The following ARHGAP42 variants were observed in gnomAD, a reference collection of about 807,000 sequenced individuals.
ARHGAP42 encodes the protein Rho GTPase activating protein 42, also known as rho GTPase-activating protein 42.
ARHGAP42 carries 63 observed loss-of-function variants against 125.0 expected under a neutral mutation model. That is an observed-to-expected ratio of 0.50 (90% CI 0.41 to 0.62). The LOEUF (loss-of-function observed/expected upper bound fraction) is 0.62. Among genes scored for constraint, ARHGAP42 ranks in the 20% least tolerant of loss-of-function variants. The pLI is 0.00. For synonymous variants in ARHGAP42, 339 were observed against 351.0 expected (o/e 0.97, Z 0.38); for missense variants, 766 against 1,024.2 (o/e 0.75, Z 3.44).
chr11:100,982,310 G>C (rs1858564895), intron 22 of ARHGAP42, among the ~76,000 whole-genome samples: 1 of 152,144 alleles, frequency 6.6e-6, no homozygotes, highest in African/African-American at 2.4e-5. Context: ...GGACCATGCT[G>C]CAAGACTTGT....
chr11:100,714,389 T>TTGTGTGTGTGTGTG (rs10609660), intron 1 of ARHGAP42, among the ~76,000 whole-genome samples: 3 of 149,780 alleles, frequency 2.0e-5, no homozygotes, highest in Non-Finnish European at 4.4e-5. Flanking sequence ...ACATAAAAAT[T>TTGTGTGTGTGTGTG]TGTGTGTGTG....
chr11:100,962,177 G>A (rs1857971650), intron 15 of ARHGAP42, among the ~76,000 whole-genome samples: 1 of 152,034 alleles, frequency 6.6e-6, no homozygotes, highest in South Asian at 2.1e-4. Context: ...ATACAGTCAT[G>A]GAAAGAAGTA....
chr11:100,968,001 C>G (rs971870025), intron 17 of ARHGAP42, among the ~76,000 whole-genome samples: 1 of 152,170 alleles, frequency 6.6e-6, no homozygotes, highest in African/African-American at 2.4e-5. Context: ...GGATTACAGG[C>G]ATGAGCCACC....
chr11:100,979,322 T>C (rs1858473123), intron 22 of ARHGAP42, among the ~76,000 whole-genome samples: 2 of 152,190 alleles, frequency 1.3e-5, no homozygotes, highest in South Asian at 2.1e-4. Flanking sequence ...CCTTTATACA[T>C]CTTTGATGAC....
intron 4 of ARHGAP42, among the ~76,000 whole-genome samples, chr11:100,864,397 G>A (rs961191094): frequency 5.3e-5 from 8 of 152,014 alleles, no homozygotes; most frequent in African/African-American, 1.7e-4. Context: ...GGCCAGGCTG[G>A]TCTCAAGCTC....
At chr11:100,714,462 A>T (rs1228844321) in intron 1 of ARHGAP42, among the ~76,000 whole-genome samples, 3 of 151,758 alleles carry the variant, frequency 2.0e-5, no homozygotes, top group Non-Finnish European at 4.4e-5. Flanking sequence ...AGCCATTCCC[A>T]CTAACCCTAA....
At chr11:100,858,009 T>C (rs773150288) in intron 3 of ARHGAP42, among the ~76,000 whole-genome samples, 2 of 151,996 alleles carry the variant, frequency 1.3e-5, no homozygotes, top group East Asian at 1.9e-4. Context: ...GTACTTATGA[T>C]ACTGTCTTTC....
intron 1 of ARHGAP42, among the ~76,000 whole-genome samples, chr11:100,721,416 C>T (rs1861756038): frequency 6.6e-6 from 1 of 152,044 alleles, no homozygotes. Context: ...TAGCAATATG[C>T]ATTTAAGATT....
Position 100,968,000 on chromosome 11 carries a change from G to T in ARHGAP42, c.1550+2224G>T, listed in dbSNP as rs542152301. Among the ~76,000 whole-genome samples the T allele has an allele frequency of 2.0e-5, 3 of 152,244 alleles. No individual in the cohort carries two copies. In the East Asian group the frequency reaches 5.8e-4, roughly 29 times the overall value. The stretch of plus-strand genomic sequence containing the variant: ...ACATCCCAAAGTACTGGGATTACAG[G>T]CATGAGCCACCACACCTGGCCAGAT... On this transcript the variant is annotated intron_variant, in intron 17 of 23. Transcript: ENST00000298815.
chr11:100,706,176 T>A (rs1486391077), intron 1 of ARHGAP42, among the ~76,000 whole-genome samples: 1 of 152,136 alleles, frequency 6.6e-6, no homozygotes, highest in Non-Finnish European at 1.5e-5. Context: ...TTTCCTTATC[T>A]GAGATTTTGT....
chr11:100,735,117 T>A (rs1862039923), intron 1 of ARHGAP42, among the ~76,000 whole-genome samples: 1 of 152,240 alleles, frequency 6.6e-6, no homozygotes, highest in Non-Finnish European at 1.5e-5. Context: ...CCCTTCAGGA[T>A]CCATATCCTC....
At chr11:100,881,897 A>T (rs1865971462) in intron 4 of ARHGAP42, among the ~76,000 whole-genome samples, 1 of 151,778 alleles carries the variant, frequency 6.6e-6, no homozygotes, top group Non-Finnish European at 1.5e-5. Context: ...TGAGTTCTTG[A>T]TTTGATTTTC....
chr11:100,860,983 C>T (rs1865432090), intron 4 of ARHGAP42, among the ~76,000 whole-genome samples: 1 of 152,122 alleles, frequency 6.6e-6, no homozygotes, highest in South Asian at 2.1e-4. Flanking sequence ...AGAGATGATT[C>T]CTGTGTGTAT....
chr11:100,886,315 C>G (rs1236203957), intron 4 of ARHGAP42, among the ~76,000 whole-genome samples: 1 of 152,128 alleles, frequency 6.6e-6, no homozygotes, highest in Non-Finnish European at 1.5e-5. Flanking sequence ...ATACAGGGAA[C>G]AGACTTCCTT....
At chr11:100,859,924 A>AG (rs1297647886) in intron 4 of ARHGAP42, 2 of 212,912 alleles carry the variant, frequency 9.4e-6, no homozygotes, top group Admixed American at 1.2e-4. Flanking sequence ...CCTAAATAAA[A>AG]TAAAAATTAG....
intron 1 of ARHGAP42, among the ~76,000 whole-genome samples, chr11:100,726,080 TAAAA>T (rs34713091): frequency 8.0e-6 from 1 of 125,466 alleles, no homozygotes; most frequent in Admixed American, 8.2e-5. Context: ...CTTGTCTCTC[TAAAA>T]AAAAAAAAAA....
At chr11:100,872,670 GAGATTTTTTTTAGCATGT>G (rs1190003981) in intron 4 of ARHGAP42, among the ~76,000 whole-genome samples, 1 of 152,152 alleles carries the variant, frequency 6.6e-6, no homozygotes, top group Non-Finnish European at 1.5e-5. Flanking sequence ...TGAGATTAAT[GAGATTTTTTTTAGCATGT>G]AGATTTGATG....
intron 1 of ARHGAP42, among the ~76,000 whole-genome samples, chr11:100,741,086 A>G (rs1862175247): frequency 1.3e-5 from 2 of 152,170 alleles, no homozygotes; most frequent in African/African-American, 4.8e-5. Context: ...GCTGGAGTGC[A>G]GTGGCAAGAT....
chr11:100,845,373 G>T (rs531797238), intron 3 of ARHGAP42, among the ~76,000 whole-genome samples: 1 of 152,080 alleles, frequency 6.6e-6, no homozygotes, highest in South Asian at 2.1e-4. Context: ...GGGGGTGAGG[G>T]GTAAAAGACT....
Sources: allele counts gnomAD v4.1 joint callset (sites outside exome capture counted in the v4.1 genomes callset), GRCh38; gene constraint gnomAD v4.1.1; transcripts MANE v1.5; gene names NCBI Gene and HGNC (gene_info 2026-07-23, HGNC 2026-07-21).